The following CTNNA3 variants were observed in gnomAD, a reference collection of about 807,000 sequenced individuals.
CTNNA3 encodes the protein catenin alpha-3.
CTNNA3 carries 76 observed loss-of-function variants against 95.7 expected under a neutral mutation model. The observed-to-expected ratio is 0.79, with a 90% CI of 0.66 to 0.96. CTNNA3 has a LOEUF of 0.96. CTNNA3 is among the 40% of genes least tolerant of loss of function. The pLI is 0.00. For missense variants in CTNNA3, 1,191 were observed against 1,089.8 expected (o/e 1.09, Z -1.31); for synonymous variants, 431 against 374.4 (o/e 1.15, Z -1.74).
chr10:66,718,448 T>C (rs1041022594), intron 9 of CTNNA3, among the ~76,000 whole-genome samples: 9 of 152,022 alleles, frequency 5.9e-5, no homozygotes, highest in African/African-American at 2.2e-4. Flanking sequence ...AGAATTAAAT[T>C]TTAAGGAAAA....
intron 9 of CTNNA3, among the ~76,000 whole-genome samples, chr10:66,635,891 C>T (rs1398813958): frequency 2.1e-4 from 32 of 151,870 alleles, no homozygotes; most frequent in Admixed American, 2.1e-3. Context: ...AGGAAATAGG[C>T]AAAGAAGCTT....
At chr10:67,213,334 C>T (rs1003365652) in intron 6 of CTNNA3, among the ~76,000 whole-genome samples, 11 of 151,610 alleles carry the variant, frequency 7.3e-5, no homozygotes, top group African/African-American at 2.7e-4. Context: ...TTTTTGTCTG[C>T]TTTCAGTATT....
chr10:66,189,125 C>T (rs1481409008), intron 13 of CTNNA3, among the ~76,000 whole-genome samples: 1 of 151,998 alleles, frequency 6.6e-6, no homozygotes, highest in Non-Finnish European at 1.5e-5. Context: ...TGGATACTAA[C>T]ACCCAATTAG....
chr10:66,477,080 T>C (rs1839353695), intron 11 of CTNNA3, among the ~76,000 whole-genome samples: 1 of 152,140 alleles, frequency 6.6e-6, no homozygotes, highest in South Asian at 2.1e-4. Context: ...TTATCATTCA[T>C]CTTTATAAAT....
intron 11 of CTNNA3, among the ~76,000 whole-genome samples, chr10:66,464,287 A>C (rs911439585): frequency 3.9e-5 from 6 of 152,148 alleles, no homozygotes; most frequent in African/African-American, 1.4e-4. Context: ...GTTGTTATTC[A>C]GCAACTACTC....
chr10:66,560,854 C>T (rs1168412284), intron 10 of CTNNA3, among the ~76,000 whole-genome samples: 1 of 151,674 alleles, frequency 6.6e-6, no homozygotes, highest in Non-Finnish European at 1.5e-5. Context: ...TCTCTCTCTC[C>T]CTCTCTCTCT....
At position 67,591,920 on chromosome 10, in the gene CTNNA3, C is replaced by T. The variant is rs558631000; in HGVS notation, c.292+14937G>A. ...TGACAGCAACAGGAGACAAATTCCT[C>T]TGCAGACAGGGATGGGTCCCCAGTG... On this transcript the variant is annotated intron_variant, in intron 3 of 17. Transcript: ENST00000433211. Among the ~76,000 whole-genome samples the T allele has an allele frequency of 1.9e-4, 29 of 151,312 alleles. 1 individual carries two copies. In the South Asian group the frequency reaches 5.6e-3, roughly 29 times the overall value.
intron 9 of CTNNA3, among the ~76,000 whole-genome samples, chr10:66,655,631 T>C (rs1222788920): frequency 7.9e-5 from 12 of 152,064 alleles, no homozygotes. Context: ...GCATCTCTAG[T>C]CTAGTGGCTT....
intron 3 of CTNNA3, among the ~76,000 whole-genome samples, chr10:67,552,671 A>T (rs1250771530): frequency 6.6e-6 from 1 of 151,562 alleles, no homozygotes; most frequent in African/African-American, 2.4e-5. Context: ...TCCCTCCCCA[A>T]CCCAACCCCT....
intron 2 of CTNNA3, among the ~76,000 whole-genome samples, chr10:67,627,310 T>C (rs1383506538): frequency 6.6e-6 from 1 of 152,152 alleles, no homozygotes; most frequent in East Asian, 1.9e-4. Flanking sequence ...AGACAGGTCC[T>C]ACCCTTCGTA....
chr10:66,783,616 A>G (rs990168052), intron 7 of CTNNA3, among the ~76,000 whole-genome samples: 1 of 146,790 alleles, frequency 6.8e-6, no homozygotes, highest in African/African-American at 2.5e-5. Context: ...TATGCTGTCG[A>G]TTACACTGTG....
chr10:66,733,894 T>C (rs1461615737), intron 9 of CTNNA3, among the ~76,000 whole-genome samples: 3 of 151,728 alleles, frequency 2.0e-5, no homozygotes, highest in Admixed American at 1.3e-4. Flanking sequence ...TAAAAAACAA[T>C]TTCTAAGAGT....
intron 5 of CTNNA3, among the ~76,000 whole-genome samples, chr10:67,285,443 C>A (rs1348837169): frequency 6.6e-6 from 1 of 152,178 alleles, no homozygotes; most frequent in African/African-American, 2.4e-5. Flanking sequence ...ACATCAGGCA[C>A]TGGGCTAGAC....
chr10:66,268,049 C>T (rs973293419), intron 13 of CTNNA3, among the ~76,000 whole-genome samples: 4 of 151,902 alleles, frequency 2.6e-5, no homozygotes, highest in African/African-American at 9.7e-5. Flanking sequence ...CTTATGGTCA[C>T]ATAATTGTTA....
At chr10:67,724,323 G>C (rs987117882) in intron 1 of CTNNA3, among the ~76,000 whole-genome samples, 2 of 152,126 alleles carry the variant, frequency 1.3e-5, no homozygotes, top group African/African-American at 4.8e-5. Flanking sequence ...TCTATTTTTG[G>C]TGATAATCCC....
intron 12 of CTNNA3, among the ~76,000 whole-genome samples, chr10:66,367,687 G>A (rs948516139): frequency 1.5e-4 from 22 of 149,176 alleles, no homozygotes; most frequent in African/African-American, 4.9e-4. Context: ...AGTGGAAGCC[G>A]AATTTTAAAA....
At chr10:67,491,062 G>C (rs191382861) in intron 5 of CTNNA3, among the ~76,000 whole-genome samples, 227 of 151,522 alleles carry the variant, frequency 1.5e-3, no homozygotes, top group African/African-American at 4.8e-3. Context: ...TAATATGACA[G>C]GAAAACAGAA....
chr10:67,243,401 TGC>T (rs1339060192), intron 5 of CTNNA3, among the ~76,000 whole-genome samples: 1 of 152,102 alleles, frequency 6.6e-6, no homozygotes, highest in Non-Finnish European at 1.5e-5. Context: ...ATTAAGGAAG[TGC>T]ACGTGAACAC....
At chr10:66,654,381 T>C (rs917308411) in intron 9 of CTNNA3, among the ~76,000 whole-genome samples, 5 of 152,034 alleles carry the variant, frequency 3.3e-5, no homozygotes, top group Admixed American at 6.5e-5. Context: ...ATTAAGGAAA[T>C]GTAAATTAAA....
Sources: allele counts gnomAD v4.1 joint callset (sites outside exome capture counted in the v4.1 genomes callset), GRCh38; gene constraint gnomAD v4.1.1; transcripts MANE v1.5; gene names NCBI Gene and HGNC (gene_info 2026-07-23, HGNC 2026-07-21).